The following ATRNL1 variants were observed in gnomAD, a reference collection of about 807,000 sequenced individuals.
ATRNL1 encodes attractin-like protein 1.
Under a neutral mutation model 182.7 loss-of-function variants are expected in ATRNL1, and 95 were observed. The observed-to-expected ratio is 0.52, with a 90% confidence interval of 0.44 to 0.62. ATRNL1 has a LOEUF of 0.62. Among genes scored for constraint, ATRNL1 ranks in the 20% least tolerant of loss-of-function variants. ATRNL1 has a pLI of 0.00. For missense variants in ATRNL1, 1,471 were observed against 1,679.5 expected (o/e 0.88, Z 2.17); for synonymous variants, 576 against 568.3 (o/e 1.01, Z -0.19).
At chr10:115,724,404 C>T (rs1334814186) in intron 26 of ATRNL1, among the ~76,000 whole-genome samples, 2 of 152,038 alleles carry the variant, frequency 1.3e-5, no homozygotes, top group East Asian at 3.9e-4. Flanking sequence ...AGTGTGCCGT[C>T]TTCTGAGACA....
At chr10:115,315,370 C>T (rs1854245470) in intron 17 of ATRNL1, 148 bp from the exon 18 acceptor site, 1 of 551,530 alleles carries the variant, frequency 1.8e-6, no homozygotes, top group Non-Finnish European at 3.1e-6. Context: ...TAATTGCTGT[C>T]TCTTAAGTAT....
intron 24 of ATRNL1, among the ~76,000 whole-genome samples, chr10:115,486,727 C>G (rs1554975221): frequency 2.0e-5 from 3 of 152,196 alleles, no homozygotes; most frequent in African/African-American, 7.2e-5. Context: ...TTTTGCTGTG[C>G]AGAAGCTCTT....
intron 26 of ATRNL1, among the ~76,000 whole-genome samples, chr10:115,662,264 C>T (rs1860741031): frequency 6.6e-6 from 1 of 151,994 alleles, no homozygotes; most frequent in Non-Finnish European, 1.5e-5. Flanking sequence ...TTTATAGATA[C>T]CATCTCACAC....
At chr10:115,266,761 A>G (rs781889158) in intron 11 of ATRNL1, 36 bp from the exon 12 acceptor site, 3 of 1,289,726 alleles carry the variant, frequency 2.3e-6, no homozygotes. Flanking sequence ...GACTTTTAAT[A>G]GCGTTTCTTT....
intron 21 of ATRNL1, among the ~76,000 whole-genome samples, chr10:115,435,213 G>A (rs1205428688): frequency 6.6e-6 from 1 of 151,926 alleles, no homozygotes; most frequent in East Asian, 1.9e-4. Context: ...TAGAGACGGG[G>A]TTTCACCGTG....
chr10:115,220,658 A>G (rs1554897231), intron 9 of ATRNL1, among the ~76,000 whole-genome samples: 1 of 143,224 alleles, frequency 7.0e-6, no homozygotes, highest in Non-Finnish European at 1.5e-5. Flanking sequence ...GGGCTTACCA[A>G]AACTGTAACT....
chr10:115,544,709 T>C (rs1276750627), intron 25 of ATRNL1, among the ~76,000 whole-genome samples: 2 of 152,130 alleles, frequency 1.3e-5, no homozygotes, highest in Admixed American at 1.3e-4. Flanking sequence ...TTGGGACAAA[T>C]ATCCAAACTA....
chr10:115,579,910 G>A (rs1473223397), intron 26 of ATRNL1, among the ~76,000 whole-genome samples: 3 of 151,856 alleles, frequency 2.0e-5, no homozygotes, highest in East Asian at 1.9e-4. Context: ...TGGTTATCAA[G>A]GGGCTTAAAT....
At chr10:115,933,996 G>A (rs1014522869) in intron 28 of ATRNL1, among the ~76,000 whole-genome samples, 14 of 152,052 alleles carry the variant, frequency 9.2e-5, no homozygotes, top group Non-Finnish European at 1.5e-4. Context: ...GGTGTTGCCC[G>A]GCAGCTGTAC....
chr10:115,724,304 G>A (rs1436228288), intron 26 of ATRNL1, among the ~76,000 whole-genome samples: 1 of 152,102 alleles, frequency 6.6e-6, no homozygotes, highest in African/African-American at 2.4e-5. Flanking sequence ...GTTTCCAACT[G>A]TCTCATAAAT....
intron 19 of ATRNL1, among the ~76,000 whole-genome samples, chr10:115,349,231 T>C (rs1856117814): frequency 6.6e-6 from 1 of 152,224 alleles, no homozygotes; most frequent in Admixed American, 6.5e-5. Context: ...TGTACCTGGC[T>C]TATTTCACTT....
At chr10:115,671,415 T>C (rs1211331496) in intron 26 of ATRNL1, among the ~76,000 whole-genome samples, 1 of 152,110 alleles carries the variant, frequency 6.6e-6, no homozygotes, top group African/African-American at 2.4e-5. Flanking sequence ...GGCTGAGTGC[T>C]ATATAAGAAA....
chr10:115,948,307 A>G lies in ATRNL1; in HGVS notation c.*3528A>G, dbSNP rs1431229753. ...CAGTGCTTACATTTTGTGGTTATAC[A>G]TGATACATCTTTTCTCAGTGAACAT... On this transcript the variant is annotated 3_prime_UTR_variant, in exon 29 of 29. Coordinates refer to ENST00000355044, the MANE Select transcript of ATRNL1 (RefSeq NM_207303.4). 5 of 152,240 alleles carry G rather than the reference A, an allele frequency of 3.3e-5. No individual in the cohort carries two copies. Among genetic ancestry groups the G allele is most frequent in the African/African-American group, 4.8e-5 (2 of 41,468 alleles). 9.4% of individuals were successfully genotyped at this position (152,240 alleles called of 1,614,324 possible). A position where few individuals can be genotyped will look rare whatever the true frequency, so the allele number is the denominator to read the frequency against.
intron 1 of ATRNL1, among the ~76,000 whole-genome samples, chr10:115,114,457 C>T (rs1844390597): frequency 6.6e-6 from 1 of 152,114 alleles, no homozygotes; most frequent in African/African-American, 2.4e-5. Flanking sequence ...AGACAACCTA[C>T]ACATTGAGAG....
chr10:115,286,743 G>A (rs1052838001), intron 15 of ATRNL1, among the ~76,000 whole-genome samples: 1 of 151,830 alleles, frequency 6.6e-6, no homozygotes, highest in African/African-American at 2.4e-5. Flanking sequence ...AATTATAGTC[G>A]ATCCTCTGTA....
intron 3 of ATRNL1, among the ~76,000 whole-genome samples, chr10:115,125,496 ATTTTT>A (rs879992221): frequency 3.5e-5 from 5 of 141,708 alleles, no homozygotes; most frequent in Non-Finnish European, 7.7e-5. Flanking sequence ...GAGAAGTGTT[ATTTTT>A]TTTTTTTTTT....
chr10:115,534,093 G>T (rs1319143233), intron 25 of ATRNL1, among the ~76,000 whole-genome samples: 2 of 151,360 alleles, frequency 1.3e-5, no homozygotes, highest in East Asian at 3.9e-4. Context: ...GATTTGGGAT[G>T]GAGAGTTCTG....
chr10:115,324,067 G>A (rs558973923), intron 18 of ATRNL1, among the ~76,000 whole-genome samples: 5 of 152,264 alleles, frequency 3.3e-5, no homozygotes, highest in Middle Eastern at 3.4e-3. Context: ...GTGAGCCACC[G>A]CGTCTGACCT....
intron 5 of ATRNL1, among the ~76,000 whole-genome samples, chr10:115,135,227 G>A (rs1230507898): frequency 6.6e-6 from 1 of 152,126 alleles, no homozygotes; most frequent in Non-Finnish European, 1.5e-5. Flanking sequence ...ATTCAATTAG[G>A]AAAAGAGGAA....
Sources: allele counts gnomAD v4.1 joint callset (sites outside exome capture counted in the v4.1 genomes callset), GRCh38; gene constraint gnomAD v4.1.1; transcripts MANE v1.5; gene names NCBI Gene and HGNC (gene_info 2026-07-23, HGNC 2026-07-21).